RFX7: variants seen among roughly 807,000 people sequenced by gnomAD.
RFX7 encodes the protein regulatory factor X7, also known as DNA-binding protein RFX7.
RFX7 carries 26 observed loss-of-function variants against 111.8 expected under a neutral mutation model. That is an observed-to-expected ratio of 0.23 (90% CI 0.17 to 0.32). RFX7 has a LOEUF of 0.32. RFX7 is among the 10% of genes least tolerant of loss of function. The probability of loss-of-function intolerance (pLI) is 1.00; values close to 1 mark genes in which losing one functional copy is unlikely to be tolerated. For synonymous variants in RFX7, 624 were observed against 624.4 expected, an observed-to-expected ratio of 1.00 and a Z score of 0.01; for missense variants, 1,573 against 1,772.9, an observed-to-expected ratio of 0.89 and a Z score of 2.02.
At chr15:56,152,426 A>G (rs181167453) in intron 3 of RFX7, among the ~76,000 whole-genome samples, 9 of 152,352 alleles carry the variant, frequency 5.9e-5, no homozygotes, top group Non-Finnish European at 1.0e-4. Context: ...AATACATGGA[A>G]ACTGAACAAC....
intron 2 of RFX7, among the ~76,000 whole-genome samples, chr15:56,212,363 T>C (rs1211430182): frequency 1.3e-5 from 2 of 152,108 alleles, no homozygotes; most frequent in Non-Finnish European, 2.9e-5. Context: ...GAGGGAAGAA[T>C]GTATAGTCAG....
At chr15:56,220,603 T>C (rs1031883999) in intron 2 of RFX7, among the ~76,000 whole-genome samples, 1 of 152,172 alleles carries the variant, frequency 6.6e-6, no homozygotes, top group Non-Finnish European at 1.5e-5. Flanking sequence ...AGATGCATAG[T>C]TTGCAAATAT....
intron 8 of RFX7, among the ~76,000 whole-genome samples, chr15:56,100,642 T>C (rs1406132721): frequency 1.3e-4 from 20 of 152,160 alleles, no homozygotes; most frequent in African/African-American, 4.8e-4. Context: ...TTAACAGACA[T>C]CCTGATTTTC....
At chr15:56,144,849 AC>A (rs1412812667) in intron 3 of RFX7, among the ~76,000 whole-genome samples, 5 of 152,162 alleles carry the variant, frequency 3.3e-5, no homozygotes, top group African/African-American at 1.2e-4. Context: ...TAGTTAACTA[AC>A]CGTTAACTGG....
rs2042725073 is a variant in RFX7, at chr15:56,161,974, C to T, written c.195+17296G>A. ...ATCATGTAACATTCCCCTAAATTCA[C>T]TCTGAATCACTCAGGAGAAGCCAAG... is the stretch of plus-strand genomic sequence containing the variant. On this transcript the variant is annotated intron_variant, in intron 3 of 9. Transcript: ENST00000559447. Among the ~76,000 whole-genome samples, 4 of 152,174 alleles carry T rather than the reference C, an allele frequency of 2.6e-5. 1 individual carries two copies. In the South Asian group the frequency reaches 8.3e-4, roughly 32 times the overall value.
chr15:56,190,237 C>T (rs1220216640), intron 2 of RFX7, among the ~76,000 whole-genome samples: 2 of 152,200 alleles, frequency 1.3e-5, no homozygotes, highest in African/African-American at 4.8e-5. Flanking sequence ...TAATGCAATG[C>T]TCCATTTCCC....
At chr15:56,197,132 T>C (rs2141173869) in intron 2 of RFX7, among the ~76,000 whole-genome samples, 1 of 152,316 alleles carries the variant, frequency 6.6e-6, no homozygotes, top group South Asian at 2.1e-4. Context: ...ATCAGTGATG[T>C]TGAACACCTT....
intron 2 of RFX7, among the ~76,000 whole-genome samples, chr15:56,214,653 T>C (rs1596014411): frequency 1.3e-5 from 2 of 149,316 alleles, no homozygotes; most frequent in African/African-American, 5.0e-5. Flanking sequence ...AGGAGGAGCT[T>C]GCAGTGAGCT....
intron 2 of RFX7, among the ~76,000 whole-genome samples, chr15:56,186,801 T>A (rs2043044650): frequency 6.6e-6 from 1 of 152,146 alleles, no homozygotes; most frequent in Non-Finnish European, 1.5e-5. Flanking sequence ...CTACAACCAA[T>A]AAACTCTTTC....
chr15:56,142,983 G>T, intron 4 of RFX7, 83 bp from the exon 5 acceptor site: 2 of 1,460,228 alleles, frequency 1.4e-6, no homozygotes, highest in Non-Finnish European at 1.9e-6. Context: ...TTCCACTAAA[G>T]AACTGTATAC....
chr15:56,129,802 T>C (rs531725961), intron 5 of RFX7, among the ~76,000 whole-genome samples: 1 of 152,300 alleles, frequency 6.6e-6, no homozygotes, highest in Admixed American at 6.5e-5. Flanking sequence ...TATCATGGTT[T>C]TGTAGAAGGG....
At chr15:56,110,128 C>T (rs1189012956) in intron 5 of RFX7, among the ~76,000 whole-genome samples, 1 of 135,128 alleles carries the variant, frequency 7.4e-6, no homozygotes, top group African/African-American at 2.9e-5. Context: ...CCGCCCAGTC[C>T]GGGAGGGAGG....
At position 56,179,320 on chromosome 15, in the gene RFX7, GT is replaced by G; in HGVS notation, c.162-18del. 8.0e-7 allele frequency: 1 copy of G among 1,248,326 alleles called. No individual in the cohort carries two copies. Among genetic ancestry groups the G allele is most frequent in the Non-Finnish European group, 1.1e-6 (1 of 943,660 alleles). The allele number at this position is 1,248,326 out of a possible 1,614,324, so 77.3% of individuals were successfully genotyped here. A position where few individuals can be genotyped will look rare whatever the true frequency, so the allele number is the denominator to read the frequency against. On this transcript the variant is annotated intron_variant, in intron 2 of 9. Coordinates refer to ENST00000559447, the MANE Select transcript of RFX7 (RefSeq NM_022841.7). The stretch of plus-strand genomic sequence containing the variant: ...ACAGTTTTGCTAAAAGAAAGAGAAA[GT>G]TAGGTTAGTAAAATGAAAAGTTTAT...
At chr15:56,232,195 T>C (rs1253560444) in intron 2 of RFX7, among the ~76,000 whole-genome samples, 2 of 152,222 alleles carry the variant, frequency 1.3e-5, no homozygotes, top group East Asian at 3.9e-4. Context: ...GTGGGGACTC[T>C]GTGTAGGGGC....
chr15:56,098,017 C>T (rs1448415262), intron 9 of RFX7, 64 bp downstream of exon 9: 6 of 1,497,970 alleles, frequency 4.0e-6, no homozygotes. Context: ...TCATCTGCCA[C>T]TTTTAAGTAA....
intron 6 of RFX7, among the ~76,000 whole-genome samples, chr15:56,102,719 A>C (rs1437232009): frequency 6.6e-6 from 1 of 152,228 alleles, no homozygotes; most frequent in African/African-American, 2.4e-5. Context: ...TAACATGCCA[A>C]AGACACATCA....
intron 7 of RFX7, 100 bp downstream of exon 7, chr15:56,102,069 C>T (rs1464484447): frequency 2.5e-6 from 2 of 804,774 alleles, no homozygotes; most frequent in Admixed American, 3.0e-5. Flanking sequence ...GTAAAAGGCA[C>T]AGTCGCTAGG....
At chr15:56,145,581 A>G (rs2042457236) in intron 3 of RFX7, among the ~76,000 whole-genome samples, 3 of 152,208 alleles carry the variant, frequency 2.0e-5, no homozygotes, top group Non-Finnish European at 2.9e-5. Flanking sequence ...GTTATCAGCT[A>G]TACCCTTGTG....
chr15:56,196,010 G>T (rs1422416645), intron 2 of RFX7, among the ~76,000 whole-genome samples: 1 of 152,028 alleles, frequency 6.6e-6, no homozygotes, highest in African/African-American at 2.4e-5. Context: ...TCAGCCAGAA[G>T]AATGAACTTT....
Sources: allele counts gnomAD v4.1 joint callset (sites outside exome capture counted in the v4.1 genomes callset), GRCh38; gene constraint gnomAD v4.1.1; transcripts MANE v1.5; gene names NCBI Gene and HGNC (gene_info 2026-07-23, HGNC 2026-07-21).